Variants in PRPSAP2 observed in about 807,000 individuals in gnomAD.
PRPSAP2 encodes the protein phosphoribosyl pyrophosphate synthase-associated protein 2.
In PRPSAP2, 24 loss-of-function variants were observed where a neutral mutation model predicts 40.6. That is an observed-to-expected ratio of 0.59 (90% CI 0.43 to 0.83). PRPSAP2 has a LOEUF of 0.83. PRPSAP2 is among the 40% of genes least tolerant of loss of function. The pLI is 0.00. For synonymous variants in PRPSAP2, 149 were observed against 164.7 expected (o/e 0.90, Z 0.73); for missense variants, 292 against 465.6 (o/e 0.63, Z 3.43).
intron 4 of PRPSAP2, among the ~76,000 whole-genome samples, chr17:18,868,476 C>A: frequency 6.8e-6 from 1 of 147,934 alleles, no homozygotes. Context: ...GAGACTTTGT[C>A]TCAGGGGAAA....
At chr17:18,868,814 C>T (rs1433512762) in intron 4 of PRPSAP2, among the ~76,000 whole-genome samples, 1 of 151,924 alleles carries the variant, frequency 6.6e-6, no homozygotes, top group Non-Finnish European at 1.5e-5. Flanking sequence ...ATTTCAGCCC[C>T]CCAAAGTGCT....
intron 1 of PRPSAP2, among the ~76,000 whole-genome samples, chr17:18,862,380 C>G (rs1415442334): frequency 6.6e-6 from 1 of 152,130 alleles, no homozygotes; most frequent in Non-Finnish European, 1.5e-5. Flanking sequence ...TACTTTCATT[C>G]TAAGTGTTCC....
At chr17:18,908,620 G>A in intron 8 of PRPSAP2, 2 of 722,636 alleles carry the variant, frequency 2.8e-6, no homozygotes, top group South Asian at 2.9e-5. Flanking sequence ...TAGTGACCAT[G>A]CCTGGGTCTG....
chr17:18,869,342 T>TC (rs147162296), intron 4 of PRPSAP2, among the ~76,000 whole-genome samples: 16 of 55,300 alleles, frequency 2.9e-4, no homozygotes, highest in Non-Finnish European at 5.4e-4. Context: ...TTTTCTTTTC[T>TC]TTTTTTTTTT....
chr17:18,876,971 A>G (rs955844937), intron 5 of PRPSAP2, among the ~76,000 whole-genome samples: 2 of 152,184 alleles, frequency 1.3e-5, no homozygotes, highest in African/African-American at 4.8e-5. Flanking sequence ...GCCACCATCT[A>G]TGAAGCTGTG....
At chr17:18,916,475 G>A (rs1043959737) in intron 9 of PRPSAP2, among the ~76,000 whole-genome samples, 6 of 150,838 alleles carry the variant, frequency 4.0e-5, no homozygotes, top group Middle Eastern at 6.8e-3. Flanking sequence ...TCCACCTCCC[G>A]GGTTCAAGCG....
At chr17:18,889,078 A>G (rs1325712193) in intron 7 of PRPSAP2, among the ~76,000 whole-genome samples, 2 of 152,254 alleles carry the variant, frequency 1.3e-5, no homozygotes, top group Non-Finnish European at 1.5e-5. Context: ...AAAGTGCCCA[A>G]ATGGAAATAT....
At chr17:18,906,645 C>T (rs2040606488) in intron 8 of PRPSAP2, among the ~76,000 whole-genome samples, 1 of 152,002 alleles carries the variant, frequency 6.6e-6, no homozygotes. Context: ...GAGCCATCAC[C>T]CAGCTTTAAA....
At chr17:18,893,248 A>G (rs1020122942) in intron 8 of PRPSAP2, among the ~76,000 whole-genome samples, 2 of 150,638 alleles carry the variant, frequency 1.3e-5, no homozygotes, top group African/African-American at 4.9e-5. Flanking sequence ...TCCCGGGTAC[A>G]AGCGAGTCTC....
intron 4 of PRPSAP2, among the ~76,000 whole-genome samples, chr17:18,872,092 A>G (rs2037927471): frequency 6.6e-6 from 1 of 151,730 alleles, no homozygotes; most frequent in Non-Finnish European, 1.5e-5. Flanking sequence ...AACATGGTGA[A>G]ACCCTGTCTC....
intron 1 of PRPSAP2, among the ~76,000 whole-genome samples, chr17:18,860,005 A>G (rs2036883032): frequency 6.6e-6 from 1 of 152,014 alleles, no homozygotes; most frequent in African/African-American, 2.4e-5. Flanking sequence ...TGGCCTCCCA[A>G]AGTGCTGGGA....
intron 8 of PRPSAP2, among the ~76,000 whole-genome samples, chr17:18,900,336 A>G (rs1409814468): frequency 6.6e-6 from 1 of 152,002 alleles, no homozygotes; most frequent in African/African-American, 2.4e-5. Context: ...GTCTTTTTTT[A>G]TACCTTCTAT....
chr17:18,876,064 C>T (rs1273031296), intron 5 of PRPSAP2, among the ~76,000 whole-genome samples: 3 of 152,024 alleles, frequency 2.0e-5, no homozygotes, highest in Non-Finnish European at 4.4e-5. Flanking sequence ...TCCTGGGAGG[C>T]GGAGGTTGCG....
chr17:18,870,731 T>TC (rs978435274), intron 4 of PRPSAP2, among the ~76,000 whole-genome samples: 1 of 149,396 alleles, frequency 6.7e-6, no homozygotes, highest in African/African-American at 2.5e-5. Context: ...ATCACTTGAG[T>TC]CCGGGAGGTG....
intron 4 of PRPSAP2, among the ~76,000 whole-genome samples, chr17:18,869,837 T>TG (rs61161645): frequency 0.44 from 61,830 of 140,278 alleles, 13,994 homozygotes; most frequent in Middle Eastern, 0.51. Flanking sequence ...TTTGCTACTT[T>TG]TTTTTTGTGT....
chr17:18,886,929 C>CTTTTTTTTTTTTTTTTTT (rs71155365), intron 7 of PRPSAP2, among the ~76,000 whole-genome samples: 1 of 75,384 alleles, frequency 1.3e-5, no homozygotes, highest in Non-Finnish European at 2.4e-5. Flanking sequence ...TTCTTTTCTT[C>CTTTTTTTTTTTTTTTTTT]TTTTTTTTTT....
In PRPSAP2 at chr17:18,930,717, TC is replaced by T; in HGVS notation, c.*22del. ...TGACTGAGTTTTCCTTTAGGAAAAC[TC>T]CCGAGGGCCAAACTGGAAACATAAG... On this transcript the variant is annotated 3_prime_UTR_variant, in exon 12 of 12. Coordinates refer to ENST00000268835, the MANE Select transcript of PRPSAP2 (RefSeq NM_002767.4). 2 of 1,597,510 alleles carry T rather than the reference TC, an allele frequency of 1.3e-6. No homozygotes were observed. The highest frequency in any genetic ancestry group is 1.7e-6 in the Non-Finnish European group (2 of 1,169,738).
intron 9 of PRPSAP2, among the ~76,000 whole-genome samples, chr17:18,915,822 ATT>A (rs373945656): frequency 2.8e-5 from 4 of 144,180 alleles, no homozygotes; most frequent in African/African-American, 5.1e-5. Flanking sequence ...CTGGGGATCA[ATT>A]TTTTTTTTTT....
chr17:18,872,434 T>A (rs1432321687), intron 4 of PRPSAP2, 149 bp from the exon 5 acceptor site: 1 of 625,830 alleles, frequency 1.6e-6, no homozygotes, highest in African/African-American at 1.8e-5. Flanking sequence ...ATGTGTATTA[T>A]CCCTTGTAAC....
Sources: allele counts gnomAD v4.1 joint callset (sites outside exome capture counted in the v4.1 genomes callset), GRCh38; gene constraint gnomAD v4.1.1; transcripts MANE v1.5; gene names NCBI Gene and HGNC (gene_info 2026-07-23, HGNC 2026-07-21).